The following RAB38 variants were observed in gnomAD, a reference collection of about 807,000 sequenced individuals.
RAB38 encodes the protein RAB38, member RAS oncogene family.
Under a neutral mutation model 18.4 loss-of-function variants are expected in RAB38, and 15 were observed. That is an observed-to-expected ratio of 0.82 (90% CI 0.55 to 1.26). RAB38 has a LOEUF of 1.26. RAB38 is among the 50% of genes most tolerant of loss of function. The pLI, the probability that RAB38 is intolerant of heterozygous loss-of-function variation, is 0.00. For missense variants in RAB38, 294 were observed against 267.4 expected (o/e 1.10, Z -0.69); for synonymous variants, 101 against 104.4 (o/e 0.97, Z 0.20).
At chr11:88,054,079 A>G in the RAB38 span, among the ~76,000 whole-genome samples, 1 of 152,220 alleles carries the variant, frequency 6.6e-6, no homozygotes, top group Non-Finnish European at 1.5e-5. Context: ...TTATGCCCGC[A>G]TCACCTGACT....
At chr11:88,080,358 T>C in the RAB38 span, among the ~76,000 whole-genome samples, 1 of 151,848 alleles carries the variant, frequency 6.6e-6, no homozygotes, top group East Asian at 1.9e-4. Context: ...TCTAAACTAC[T>C]ACATGAAGAA....
At chr11:87,929,555 T>A in the RAB38 span, among the ~76,000 whole-genome samples, 551 of 141,536 alleles carry the variant, frequency 3.9e-3, 3 homozygotes, top group Non-Finnish European at 5.4e-3. Context: ...TTTTGATTCT[T>A]TTTTTTGGTT....
chr11:87,873,828 C>G, the RAB38 span, among the ~76,000 whole-genome samples: 1 of 144,720 alleles, frequency 6.9e-6, no homozygotes, highest in South Asian at 2.2e-4. Context: ...AATATGTTTA[C>G]TTTTCTTTCT....
chr11:87,957,048 A>T, the RAB38 span, among the ~76,000 whole-genome samples: 89 of 152,148 alleles, frequency 5.8e-4, no homozygotes, highest in African/African-American at 2.1e-3. Flanking sequence ...TGTTAAATCA[A>T]TTGGCTGTGC....
At chr11:87,940,883 C>T in the RAB38 span, among the ~76,000 whole-genome samples, 8 of 152,088 alleles carry the variant, frequency 5.3e-5, no homozygotes, top group East Asian at 5.8e-4. Flanking sequence ...TCTCCCTCCT[C>T]GGCCTCCCAA....
At position 88,123,836 on chromosome 11, in the gene RAB38, G is replaced by A. The variant is rs577961874; in HGVS notation, c.484-9696C>T. Among the ~76,000 whole-genome samples the A allele has an allele frequency of 2.6e-5, 4 of 152,180 alleles. 1 individual carries two copies. The East Asian group carries it at 7.7e-4, about 29-fold the overall frequency. ...GTTAAGTAATATTATGTATTTTTACGACTATATAGTACATATAATGATTTT... is the reference window on the plus strand; with the variant it reads ...GTTAAGTAATATTATGTATTTTTACAACTATATAGTACATATAATGATTTT... On this transcript the variant is annotated intron_variant, in intron 2 of 2. Transcript: ENST00000243662.
chr11:88,174,023 C>A, intron 1 of RAB38: 1 of 985,392 alleles, frequency 1.0e-6, no homozygotes, highest in Non-Finnish European at 1.2e-6. Flanking sequence ...TTGGGTCCAG[C>A]ACTTATAACG....
chr11:87,821,541 C>G, the RAB38 span, among the ~76,000 whole-genome samples: 1 of 152,088 alleles, frequency 6.6e-6, no homozygotes. Flanking sequence ...TAAGTCTAAA[C>G]AAGCACTGCT....
chr11:88,026,096 C>G, the RAB38 span, among the ~76,000 whole-genome samples: 3 of 151,972 alleles, frequency 2.0e-5, no homozygotes, highest in Admixed American at 6.6e-5. Flanking sequence ...TCCTGAGTAG[C>G]TGGGATTACA....
the RAB38 span, among the ~76,000 whole-genome samples, chr11:87,958,441 C>G: frequency 6.6e-6 from 1 of 152,140 alleles, no homozygotes; most frequent in African/African-American, 2.4e-5. Flanking sequence ...CTCCAACCTC[C>G]TTTCTTCATA....
the RAB38 span, among the ~76,000 whole-genome samples, chr11:87,873,950 A>ATATATATATATT: frequency 7.5e-6 from 1 of 133,090 alleles, no homozygotes; most frequent in Non-Finnish European, 1.6e-5. Context: ...ATATATATAT[A>ATATATATATATT]CTCTGCATAA....
the RAB38 span, among the ~76,000 whole-genome samples, chr11:87,809,548 C>G: frequency 6.6e-6 from 1 of 152,152 alleles, no homozygotes; most frequent in South Asian, 2.1e-4. Context: ...GATACTAAAT[C>G]AAGACATACA....
chr11:88,088,469 T>C, the RAB38 span, among the ~76,000 whole-genome samples: 3 of 151,890 alleles, frequency 2.0e-5, no homozygotes, highest in African/African-American at 7.2e-5. Context: ...TTGTAATTAA[T>C]CATCAGGTGA....
the RAB38 span, among the ~76,000 whole-genome samples, chr11:88,082,435 T>A: frequency 2.8e-4 from 43 of 151,934 alleles, no homozygotes; most frequent in African/African-American, 9.2e-4. Context: ...GGCAGAGGCA[T>A]TGGGAAGTAA....
At chr11:88,151,461 T>C (rs1271904082) in intron 1 of RAB38, among the ~76,000 whole-genome samples, 1 of 152,226 alleles carries the variant, frequency 6.6e-6, no homozygotes, top group Non-Finnish European at 1.5e-5. Context: ...TGAAGACTTG[T>C]ATTTTCTGAA....
At chr11:87,908,724 T>C in the RAB38 span, among the ~76,000 whole-genome samples, 1 of 151,998 alleles carries the variant, frequency 6.6e-6, no homozygotes, top group Non-Finnish European at 1.5e-5. Context: ...CCTATATTAT[T>C]TACAGCTGAA....
chr11:87,910,683 C>T, the RAB38 span, among the ~76,000 whole-genome samples: 1 of 140,316 alleles, frequency 7.1e-6, no homozygotes. Flanking sequence ...TTTCTGTCGC[C>T]AGCTTGGAGT....
At chr11:87,975,993 T>A in the RAB38 span, among the ~76,000 whole-genome samples, 325 of 151,280 alleles carry the variant, frequency 2.1e-3, 1 homozygote, top group Non-Finnish European at 3.6e-3. Flanking sequence ...GTTTGAAAAA[T>A]ACACATACTA....
chr11:87,816,509 G>C, the RAB38 span: 2 of 152,122 alleles, frequency 1.3e-5, no homozygotes, highest in African/African-American at 2.4e-5. Context: ...ATTATTAATA[G>C]AGCTGGTGTT....
Sources: allele counts gnomAD v4.1 joint callset (sites outside exome capture counted in the v4.1 genomes callset), GRCh38; gene constraint gnomAD v4.1.1; transcripts MANE v1.5; gene names NCBI Gene and HGNC (gene_info 2026-07-23, HGNC 2026-07-21).